GRAMD1B: variants seen among roughly 807,000 people sequenced by gnomAD.
The protein encoded by GRAMD1B is GRAM domain containing 1B.
GRAMD1B carries 37 observed loss-of-function variants against 99.7 expected under a neutral mutation model. That is an observed-to-expected ratio of 0.37 (90% confidence interval 0.29 to 0.49). GRAMD1B has a LOEUF of 0.49. Among genes scored for constraint, GRAMD1B ranks in the 20% least tolerant of loss-of-function variants. The pLI is 0.98. For missense variants in GRAMD1B, 888 were observed against 1,009.2 expected (o/e 0.88, Z 1.63); for synonymous variants, 427 against 387.6 (o/e 1.10, Z -1.19).
chr11:123,379,768 A>C (rs1463529055), intron 1 of GRAMD1B, among the ~76,000 whole-genome samples: 2 of 152,230 alleles, frequency 1.3e-5, no homozygotes, highest in Non-Finnish European at 2.9e-5. Context: ...CTATTTTCCA[A>C]AGGACTGCAC....
intron 2 of GRAMD1B, among the ~76,000 whole-genome samples, chr11:123,543,358 G>A (rs978128427): frequency 6.6e-6 from 1 of 152,216 alleles, no homozygotes; most frequent in Non-Finnish European, 1.5e-5. Flanking sequence ...TGTTCAGGAA[G>A]CTGGTAAAGA....
At chr11:123,552,543 G>A (rs1416178152) in intron 2 of GRAMD1B, among the ~76,000 whole-genome samples, 3 of 150,054 alleles carry the variant, frequency 2.0e-5, no homozygotes, top group Non-Finnish European at 3.0e-5. Context: ...GAGCCACTGC[G>A]CTCAGCCTGT....
At chr11:123,400,816 C>T (rs2135914703) in intron 1 of GRAMD1B, among the ~76,000 whole-genome samples, 1 of 152,284 alleles carries the variant, frequency 6.6e-6, no homozygotes, top group Middle Eastern at 3.4e-3. Context: ...TATGTTCTGT[C>T]ATTCCTTATA....
intron 2 of GRAMD1B, among the ~76,000 whole-genome samples, chr11:123,489,148 A>G (rs1420602614): frequency 6.6e-6 from 1 of 152,190 alleles, no homozygotes; most frequent in Non-Finnish European, 1.5e-5. Flanking sequence ...GAGTTAAAAA[A>G]AAAAATTGAA....
In GRAMD1B at chr11:123,587,455, G is replaced by T. The variant is rs1470129138; in HGVS notation, c.684+3123G>T. Among the ~76,000 whole-genome samples the T allele has an allele frequency of 1.3e-5, 2 of 152,198 alleles. No individual in the cohort carries two copies. The highest frequency in any genetic ancestry group is 2.9e-5 in the Non-Finnish European group (2 of 68,042). On this transcript the variant is annotated intron_variant, in intron 4 of 19. Transcript: ENST00000635736. This position sits in a 1 kb window ranked among gnomAD's most constrained non-coding sequence, Gnocchi z 4.2. ...GAGATGGAGGGAAAAGCAGAAATAGGGTTTTGCCTTCAGCAGGGAGCCAAG... is the reference window on the plus strand; with the variant it reads ...GAGATGGAGGGAAAAGCAGAAATAGTGTTTTGCCTTCAGCAGGGAGCCAAG...
At chr11:123,447,095 C>G (rs932173024) in intron 1 of GRAMD1B, among the ~76,000 whole-genome samples, 5 of 151,950 alleles carry the variant, frequency 3.3e-5, no homozygotes, top group African/African-American at 9.7e-5. Context: ...ATATGGCATT[C>G]AGACTAAAGC....
intron 2 of GRAMD1B, among the ~76,000 whole-genome samples, chr11:123,562,817 T>C (rs1162979458): frequency 6.6e-6 from 1 of 152,226 alleles, no homozygotes; most frequent in Non-Finnish European, 1.5e-5. Context: ...CCACTTAGCC[T>C]ACAGGAGAAG....
intron 2 of GRAMD1B, among the ~76,000 whole-genome samples, chr11:123,577,114 T>G (rs1040834734): frequency 2.6e-5 from 4 of 152,208 alleles, no homozygotes; most frequent in Admixed American, 1.3e-4. Flanking sequence ...GACGGATGCA[T>G]GTCTAGATGT....
At chr11:123,360,904 C>T (rs1163893602) in intron 1 of GRAMD1B, among the ~76,000 whole-genome samples, 1 of 151,350 alleles carries the variant, frequency 6.6e-6, no homozygotes, top group Non-Finnish European at 1.5e-5. Flanking sequence ...GCAACCTCCG[C>T]CTTCCGGTTT....
chr11:123,518,985 G>T (rs1941939957), intron 2 of GRAMD1B, among the ~76,000 whole-genome samples: 1 of 152,208 alleles, frequency 6.6e-6, no homozygotes, highest in South Asian at 2.1e-4. Context: ...AATCCAGGAG[G>T]CCATAGGAGC....
At chr11:123,440,488 G>A (rs146134492) in intron 1 of GRAMD1B, among the ~76,000 whole-genome samples, 12 of 152,148 alleles carry the variant, frequency 7.9e-5, no homozygotes, top group African/African-American at 2.4e-4. Flanking sequence ...CAGCCTGGGC[G>A]GCTGAGTGAG....
At chr11:123,612,634 A>G in intron 14 of GRAMD1B, 127 bp from the exon 15 acceptor site, 2 of 704,344 alleles carry the variant, frequency 2.8e-6, no homozygotes, top group Admixed American at 4.0e-5. Flanking sequence ...ATGTGGAAGG[A>G]CCTTTTAACT....
intron 4 of GRAMD1B, among the ~76,000 whole-genome samples, chr11:123,589,614 T>TTATACATATATATATATATATA (rs1555089175): frequency 4.7e-5 from 6 of 128,278 alleles, no homozygotes; most frequent in African/African-American, 1.8e-4. Flanking sequence ...TGGCTAATTT[T>TTATACATATATATATATATATA]TATATATATA....
chr11:123,563,513 T>A (rs546978909), intron 2 of GRAMD1B, among the ~76,000 whole-genome samples: 1 of 151,366 alleles, frequency 6.6e-6, no homozygotes, highest in African/African-American at 2.4e-5. Flanking sequence ...TTTCTTTTTT[T>A]TTTTTTTCTT....
At chr11:123,555,532 T>C (rs1946096055) in intron 2 of GRAMD1B, among the ~76,000 whole-genome samples, 1 of 151,434 alleles carries the variant, frequency 6.6e-6, no homozygotes. Flanking sequence ...GTATCTTCAG[T>C]AGAGATGGGG....
At chr11:123,448,907 G>T (rs1439669023) in intron 1 of GRAMD1B, among the ~76,000 whole-genome samples, 2 of 152,120 alleles carry the variant, frequency 1.3e-5, no homozygotes. Context: ...TCTTCTCTCT[G>T]CAGCCAGAAA....
At chr11:123,499,517 G>A (rs1803758069) in intron 2 of GRAMD1B, among the ~76,000 whole-genome samples, 1 of 152,170 alleles carries the variant, frequency 6.6e-6, no homozygotes, top group Non-Finnish European at 1.5e-5. Context: ...GGAGGGGTAC[G>A]TAATTAAGTT....
At chr11:123,517,919 G>A (rs1056856730) in intron 2 of GRAMD1B, among the ~76,000 whole-genome samples, 5 of 152,168 alleles carry the variant, frequency 3.3e-5, no homozygotes, top group Non-Finnish European at 7.3e-5. Flanking sequence ...CTCCCGGAGA[G>A]AACCTGAGTT....
At chr11:123,618,447 T>A in intron 17 of GRAMD1B, 1 of 1,137,782 alleles carries the variant, frequency 8.8e-7, no homozygotes, top group Non-Finnish European at 1.3e-6. Context: ...TCTGGGTGCC[T>A]ATGCATCTCT....
Sources: allele counts gnomAD v4.1 joint callset (sites outside exome capture counted in the v4.1 genomes callset), GRCh38; gene constraint gnomAD v4.1.1; non-coding constraint Gnocchi (gnomAD v3.1); transcripts MANE v1.5; gene names NCBI Gene and HGNC (gene_info 2026-07-23, HGNC 2026-07-21).